The following TENM3 variants were observed in gnomAD, a reference collection of about 807,000 sequenced individuals.
TENM3 encodes the protein teneurin transmembrane protein 3, also known as teneurin-3.
Under a neutral mutation model 255.1 loss-of-function variants are expected in TENM3, and 63 were observed. The observed-to-expected ratio is 0.25, with a 90% CI of 0.20 to 0.30. The LOEUF is 0.30. Ranked by LOEUF, TENM3 falls within the 10% of genes least tolerant of loss-of-function variation. The pLI is 1.00. For missense variants in TENM3, 2,929 were observed against 3,461.1 expected (o/e 0.85, Z 3.86); for synonymous variants, 1,306 against 1,322.3 (o/e 0.99, Z 0.27).
the TENM3 span, among the ~76,000 whole-genome samples, chr4:181,848,686 A>G: frequency 6.6e-6 from 1 of 152,232 alleles, no homozygotes; most frequent in Non-Finnish European, 1.5e-5. Flanking sequence ...ATAATATAAT[A>G]CATATTGGAA....
the TENM3 span, among the ~76,000 whole-genome samples, chr4:181,736,970 T>C: frequency 6.6e-6 from 1 of 151,590 alleles, no homozygotes. Flanking sequence ...GTGGTGAGAG[T>C]CTTGGACCAA....
At chr4:181,896,712 GC>G in the TENM3 span, among the ~76,000 whole-genome samples, 2 of 152,190 alleles carry the variant, frequency 1.3e-5, no homozygotes, top group Non-Finnish European at 2.9e-5. Context: ...TCTCTTCGTT[GC>G]TACAGCAGTG....
At chr4:181,882,699 A>G in the TENM3 span, among the ~76,000 whole-genome samples, 8 of 152,306 alleles carry the variant, frequency 5.3e-5, no homozygotes, top group African/African-American at 1.9e-4. Context: ...TTATATTTCC[A>G]TAAAATTAAT....
intron 6 of TENM3, among the ~76,000 whole-genome samples, chr4:182,659,447 T>C (rs1407719430): frequency 6.6e-6 from 1 of 152,170 alleles, no homozygotes; most frequent in Non-Finnish European, 1.5e-5. Flanking sequence ...GGAAAAAATA[T>C]AGTATATATA....
the TENM3 span, among the ~76,000 whole-genome samples, chr4:181,533,789 C>T: frequency 6.6e-6 from 1 of 152,048 alleles, no homozygotes; most frequent in Non-Finnish European, 1.5e-5. Flanking sequence ...CTTTCAGATC[C>T]AGTCTTTCTC....
chr4:181,688,773 G>C, the TENM3 span, among the ~76,000 whole-genome samples: 9 of 152,178 alleles, frequency 5.9e-5, 1 homozygote, highest in Admixed American at 5.9e-4. Flanking sequence ...AACAGTCGGG[G>C]TTTAAGTGCA....
the TENM3 span, among the ~76,000 whole-genome samples, chr4:181,599,188 T>C: frequency 2.6e-5 from 4 of 152,142 alleles, no homozygotes; most frequent in African/African-American, 9.7e-5. Context: ...AGGAACCACA[T>C]TGAGCAGAGC....
At chr4:181,792,570 G>A in the TENM3 span, among the ~76,000 whole-genome samples, 3 of 152,072 alleles carry the variant, frequency 2.0e-5, no homozygotes, top group Non-Finnish European at 4.4e-5. Flanking sequence ...AATTGCTAAT[G>A]GATTTCTGTA....
chr4:182,241,478 C>G (rs1366360687), upstream of TENM3, among the ~76,000 whole-genome samples: 1 of 151,126 alleles, frequency 6.6e-6, no homozygotes, highest in Non-Finnish European at 1.5e-5. Context: ...TCCACATTCT[C>G]CTATCTTCAG....
chr4:182,327,024 C>T (rs969683094), intron 2 of TENM3, among the ~76,000 whole-genome samples: 2 of 152,014 alleles, frequency 1.3e-5, no homozygotes, highest in African/African-American at 2.4e-5. Flanking sequence ...GTATTTGTAG[C>T]GGGAGTGGTA....
chr4:181,501,126 A>G, the TENM3 span, among the ~76,000 whole-genome samples: 2 of 152,102 alleles, frequency 1.3e-5, no homozygotes, highest in East Asian at 3.9e-4. Context: ...GCAGAAAATG[A>G]CTTCAGGACT....
intron 3 of TENM3, among the ~76,000 whole-genome samples, chr4:182,458,301 C>G (rs1427698789): frequency 6.6e-6 from 1 of 152,178 alleles, no homozygotes; most frequent in East Asian, 1.9e-4. Flanking sequence ...AATGTTTTTA[C>G]TATTAAAGGC....
intron 3 of TENM3, among the ~76,000 whole-genome samples, chr4:182,529,575 A>G (rs1226070272): frequency 6.6e-6 from 1 of 151,264 alleles, no homozygotes; most frequent in Non-Finnish European, 1.5e-5. Flanking sequence ...TTTCCACTCC[A>G]CCCCATTTGG....
chr4:182,288,263 G>T (rs1350265402), intron 1 of TENM3, among the ~76,000 whole-genome samples: 3 of 152,046 alleles, frequency 2.0e-5, no homozygotes, highest in African/African-American at 7.2e-5. Flanking sequence ...TAGAGACAGG[G>T]TCTCTCTATG....
intron 1 of TENM3, among the ~76,000 whole-genome samples, chr4:182,262,800 G>A (rs866812370): frequency 5.7e-5 from 8 of 141,566 alleles, no homozygotes; most frequent in Middle Eastern, 7.4e-3. Context: ...TCCAAGCTCC[G>A]CCTCCCGGGT....
At chr4:181,717,437 A>G in the TENM3 span, among the ~76,000 whole-genome samples, 1 of 152,272 alleles carries the variant, frequency 6.6e-6, no homozygotes, top group East Asian at 1.9e-4. Context: ...TCCATTTTCT[A>G]TTTTTTAGTG....
intron 3 of TENM3, among the ~76,000 whole-genome samples, chr4:182,525,133 T>A (rs183026393): frequency 1.3e-5 from 2 of 152,330 alleles, no homozygotes; most frequent in East Asian, 3.9e-4. Flanking sequence ...TGGGCCCTAG[T>A]GTCCTTGAGT....
At chr4:181,852,148 A>G in the TENM3 span, among the ~76,000 whole-genome samples, 71 of 152,318 alleles carry the variant, frequency 4.7e-4, 1 homozygote, top group South Asian at 0.014. Context: ...GGCTTTTAAT[A>G]CCTTACAAGA....
chr4:181,484,275 A>G, the TENM3 span, among the ~76,000 whole-genome samples: 1 of 151,916 alleles, frequency 6.6e-6, no homozygotes, highest in African/African-American at 2.4e-5. Flanking sequence ...AAATTTATTC[A>G]TTTTTCCTAT....
Sources: allele counts gnomAD v4.1 joint callset (sites outside exome capture counted in the v4.1 genomes callset), GRCh38; gene constraint gnomAD v4.1.1; transcripts MANE v1.5; gene names NCBI Gene and HGNC (gene_info 2026-07-23, HGNC 2026-07-21).